ELP4: variants seen among roughly 807,000 people sequenced by gnomAD.
ELP4 encodes the protein elongator acetyltransferase complex subunit 4, also known as elongator complex protein 4.
Under a neutral mutation model 48.9 loss-of-function variants are expected in ELP4, and 51 were observed. The ratio of observed to expected loss-of-function variants is 1.04; its 90% CI spans 0.83 to 1.32. The LOEUF is 1.32. ELP4 is among the 40% of genes most tolerant of loss of function. ELP4 has a pLI of 0.00. For missense variants in ELP4, 519 were observed against 514.6 expected (o/e 1.01, Z -0.08); for synonymous variants, 210 against 189.2 (o/e 1.11, Z -0.90).
chr11:31,784,482 A>G lies in ELP4; in HGVS notation c.*958A>G, dbSNP rs1169146243. On this transcript the variant is annotated 3_prime_UTR_variant, in exon 10 of 10. Transcript: ENST00000640961. Reference sequence around the variant, plus strand: ...TTTAATTACAATTCTATATTCTCAAAGCTTTTGACAGATAATGGATAAAAA... The same window carrying G: ...TTTAATTACAATTCTATATTCTCAAGGCTTTTGACAGATAATGGATAAAAA... 1 of 152,106 alleles carries G rather than the reference A, an allele frequency of 6.6e-6. No homozygotes were observed. Among genetic ancestry groups the G allele is most frequent in the Non-Finnish European group, 1.5e-5 (1 of 67,946 alleles). The allele number at this position is 152,106 out of a possible 1,614,324, so 9.4% of individuals were successfully genotyped here. A position where few individuals can be genotyped will look rare whatever the true frequency, so the allele number is the denominator to read the frequency against.
intron 3 of ELP4, among the ~76,000 whole-genome samples, chr11:31,548,164 G>T (rs931348550): frequency 3.3e-5 from 5 of 152,088 alleles, no homozygotes; most frequent in African/African-American, 9.7e-5. Flanking sequence ...AGGAAATAAG[G>T]GTATTCAATT....
chr11:31,655,198 A>G (rs1945405023), intron 9 of ELP4, among the ~76,000 whole-genome samples: 1 of 151,994 alleles, frequency 6.6e-6, no homozygotes, highest in Non-Finnish European at 1.5e-5. Context: ...TCAGCATATA[A>G]TAGCATTACA....
chr11:31,755,377 C>T (rs948020713), intron 9 of ELP4, among the ~76,000 whole-genome samples: 6 of 152,108 alleles, frequency 3.9e-5, no homozygotes, highest in Admixed American at 1.3e-4. Context: ...AAGGTACTTA[C>T]AAAGTATAAG....
chr11:31,571,397 A>G (rs1371698969), intron 3 of ELP4, among the ~76,000 whole-genome samples: 1 of 152,148 alleles, frequency 6.6e-6, no homozygotes, highest in Non-Finnish European at 1.5e-5. Context: ...TCCACTTCTA[A>G]TTCTAGTTCT....
chr11:31,681,572 A>C (rs1399484482), intron 9 of ELP4, among the ~76,000 whole-genome samples: 1 of 152,120 alleles, frequency 6.6e-6, no homozygotes, highest in East Asian at 1.9e-4. Flanking sequence ...TTAAGGAGAG[A>C]GATGTTACAT....
At chr11:31,642,189 T>G (rs1323428649) in intron 7 of ELP4, among the ~76,000 whole-genome samples, 1 of 151,960 alleles carries the variant, frequency 6.6e-6, no homozygotes, top group Non-Finnish European at 1.5e-5. Flanking sequence ...TATGTAAGTT[T>G]TTGTAATGTT....
chr11:31,597,537 C>T (rs933431692), intron 4 of ELP4, among the ~76,000 whole-genome samples: 3 of 152,076 alleles, frequency 2.0e-5, no homozygotes, highest in African/African-American at 7.2e-5. Flanking sequence ...AGTGACTGGC[C>T]TTAATGGTGA....
chr11:31,608,624 G>A (rs1159530549), intron 5 of ELP4, among the ~76,000 whole-genome samples: 1 of 151,912 alleles, frequency 6.6e-6, no homozygotes, highest in Admixed American at 6.6e-5. Flanking sequence ...CTAGCAGAGA[G>A]GAGCAGGAGG....
chr11:31,598,816 G>T (rs940924448), intron 4 of ELP4: 1 of 151,952 alleles, frequency 6.6e-6, no homozygotes, highest in African/African-American at 2.4e-5. Flanking sequence ...CGGCCCTGGT[G>T]CTCAGTTTTC....
At chr11:31,740,813 T>C (rs1947427128) in intron 9 of ELP4, among the ~76,000 whole-genome samples, 1 of 151,980 alleles carries the variant, frequency 6.6e-6, no homozygotes, top group South Asian at 2.1e-4. Context: ...CCAGCGTGAG[T>C]GATGCAGAAG....
At chr11:31,613,324 GT>G (rs945777609) in intron 5 of ELP4, among the ~76,000 whole-genome samples, 3 of 152,064 alleles carry the variant, frequency 2.0e-5, no homozygotes, top group Non-Finnish European at 4.4e-5. Flanking sequence ...CAAAAACCTA[GT>G]GATATGCAGT....
chr11:31,763,057 G>C (rs1247948477), intron 9 of ELP4, among the ~76,000 whole-genome samples: 1 of 150,290 alleles, frequency 6.7e-6, no homozygotes, highest in East Asian at 2.0e-4. Flanking sequence ...TTCTACTCAA[G>C]ATTTGGCTTC....
rs1446487836 is a variant in ELP4 at position 31,789,869 on chromosome 11, T to C, written c.*6345T>C. On this transcript the variant is annotated 3_prime_UTR_variant, in exon 10 of 10. Coordinates refer to ENST00000640961, the MANE Select transcript of ELP4 (RefSeq NM_019040.5). ...TTCTTTCCTGAAAGCTCAACTGTTG[T>C]GTCCCCATAGTCACTGACTGAATTA... The C allele has an allele frequency of 2.1e-6, 3 of 1,404,018 alleles. No individual in the cohort carries two copies. Among genetic ancestry groups the C allele is most frequent in the Non-Finnish European group, 3.0e-6 (3 of 1,006,936 alleles). The allele number at this position is 1,404,018 out of a possible 1,614,324, so 87.0% of individuals were successfully genotyped here.
At chr11:31,536,090 G>T (rs576807169) in intron 2 of ELP4, among the ~76,000 whole-genome samples, 19 of 152,084 alleles carry the variant, frequency 1.2e-4, no homozygotes, top group African/African-American at 4.6e-4. Flanking sequence ...CAAATTAGTA[G>T]TTTATTTCTT....
chr11:31,685,372 A>G (rs1339674102), intron 9 of ELP4, among the ~76,000 whole-genome samples: 1 of 152,024 alleles, frequency 6.6e-6, no homozygotes, highest in Admixed American at 6.6e-5. Context: ...ACAACAAAAT[A>G]GCAAAGGAAA....
chr11:31,631,393 G>A (rs1944857978), intron 6 of ELP4, among the ~76,000 whole-genome samples: 1 of 152,060 alleles, frequency 6.6e-6, no homozygotes, highest in Non-Finnish European at 1.5e-5. Flanking sequence ...TCAATTATTT[G>A]CACATGCCAG....
At chr11:31,711,451 G>A (rs1946741261) in intron 9 of ELP4, among the ~76,000 whole-genome samples, 1 of 152,036 alleles carries the variant, frequency 6.6e-6, no homozygotes, top group Non-Finnish European at 1.5e-5. Context: ...AGAAATACAA[G>A]AAAAAGCACC....
rs71060492 is a variant in ELP4, at chr11:31,533,368, C to CTTTTTTTTTTTTTTTTTT, written c.260-6284_260-6267dup. On this transcript the variant is annotated intron_variant, in intron 2 of 9. Transcript: ENST00000640961. ...GTGTTGCTGCAAAAGCCATCTCATT[C>CTTTTTTTTTTTTTTTTTT]TTTTTTTTTTTTTTTTTTTTTTTTT... Among the ~76,000 whole-genome samples the CTTTTTTTTTTTTTTTTTT allele has an allele frequency of 9.7e-3, 488 of 50,482 alleles. 99 individuals carry two copies. The highest frequency in any genetic ancestry group is 0.01 in the Non-Finnish European group (302 of 30,138). 33.1% of individuals were successfully genotyped at this position (50,482 alleles called of 152,430 possible).
intron 9 of ELP4, among the ~76,000 whole-genome samples, chr11:31,747,935 G>A (rs964248499): frequency 6.6e-6 from 1 of 152,186 alleles, no homozygotes; most frequent in Admixed American, 6.5e-5. Flanking sequence ...TTAGTGTTTA[G>A]TGCCAAACAA....
Sources: allele counts gnomAD v4.1 joint callset (sites outside exome capture counted in the v4.1 genomes callset), GRCh38; gene constraint gnomAD v4.1.1; transcripts MANE v1.5; gene names NCBI Gene and HGNC (gene_info 2026-07-23, HGNC 2026-07-21).